The following WWOX variants were observed in gnomAD, a reference collection of about 807,000 sequenced individuals.
WWOX encodes WW domain-containing oxidoreductase.
A neutral mutation model predicts 46.2 loss-of-function variants in WWOX; 69 were observed. The ratio of observed to expected loss-of-function variants is 1.49; its 90% CI spans 1.23 to 1.82. The LOEUF (loss-of-function observed/expected upper bound fraction) is 1.82. Among genes scored for constraint, WWOX ranks in the 40% most tolerant of loss-of-function variants. WWOX has a pLI of 0.00. For missense variants in WWOX, 919 were observed against 542.6 expected (o/e 1.69, Z -6.89); for synonymous variants, 359 against 202.6 (o/e 1.77, Z -6.56).
At chr16:78,834,885 TTG>T (rs1015256294) in intron 8 of WWOX, among the ~76,000 whole-genome samples, 2 of 150,752 alleles carry the variant, frequency 1.3e-5, no homozygotes, top group Non-Finnish European at 2.9e-5. Flanking sequence ...TAATGACTGT[TTG>T]TAATAATCAT....
chr16:78,561,606 A>G lies in WWOX; in HGVS notation c.1056+128854A>G, dbSNP rs189824152. On this transcript the variant is annotated intron_variant, in intron 8 of 8. Transcript: ENST00000566780. ...CATTTTTTTTTGAATAACAGAAAAA[A>G]AAAAGAGACCTGATATTTGGAGAGA... 2.5e-3 allele frequency among the ~76,000 whole-genome samples: 379 copies of G among 152,332 alleles called. 5 individuals carry two copies. Among genetic ancestry groups the G allele is most frequent in the African/African-American group, 8.8e-3 (366 of 41,582 alleles).
intron 6 of WWOX, among the ~76,000 whole-genome samples, chr16:78,406,495 G>T (rs2082549878): frequency 6.6e-6 from 1 of 150,576 alleles, no homozygotes; most frequent in Non-Finnish European, 1.5e-5. Context: ...TGGGACTACA[G>T]GCATGTGCTA....
intron 8 of WWOX, among the ~76,000 whole-genome samples, chr16:79,129,876 G>C (rs1048091250): frequency 9.9e-5 from 15 of 152,192 alleles, no homozygotes; most frequent in Non-Finnish European, 1.5e-4. Flanking sequence ...CAGGGGTCAG[G>C]CTCCCTGGAG....
chr16:78,945,041 A>T (rs1356339109), intron 8 of WWOX, among the ~76,000 whole-genome samples: 1 of 152,118 alleles, frequency 6.6e-6, no homozygotes, highest in African/African-American at 2.4e-5. Flanking sequence ...TTAGCTGGGC[A>T]TGGTGGCGTA....
chr16:78,713,404 T>A (rs1002737598), intron 8 of WWOX, among the ~76,000 whole-genome samples: 1 of 152,074 alleles, frequency 6.6e-6, no homozygotes, highest in African/African-American at 2.4e-5. Context: ...TTGATGCTGT[T>A]ATTATTTGGT....
At chr16:78,758,197 T>A (rs1417422684) in intron 8 of WWOX, among the ~76,000 whole-genome samples, 1 of 152,174 alleles carries the variant, frequency 6.6e-6, no homozygotes, top group Non-Finnish European at 1.5e-5. Context: ...TTGCCACATA[T>A]AGATGAAGAT....
intron 8 of WWOX, among the ~76,000 whole-genome samples, chr16:78,983,688 C>G (rs949012132): frequency 2.6e-5 from 4 of 152,070 alleles, no homozygotes; most frequent in Admixed American, 1.3e-4. Flanking sequence ...GTCTTGATCC[C>G]TGAATGACTG....
At chr16:78,667,282 T>A (rs1188971033) in intron 8 of WWOX, among the ~76,000 whole-genome samples, 1 of 152,190 alleles carries the variant, frequency 6.6e-6, no homozygotes, top group Non-Finnish European at 1.5e-5. Flanking sequence ...AAGTCTCTTT[T>A]AACACCATTT....
intron 5 of WWOX, among the ~76,000 whole-genome samples, chr16:78,357,771 C>CTTGCTGGGTATGTGTAA (rs2081329674): frequency 6.6e-6 from 1 of 152,212 alleles, no homozygotes; most frequent in Non-Finnish European, 1.5e-5. Flanking sequence ...TTGCTGCACT[C>CTTGCTGGGTATGTGTAA]TTGCTGGGTA....
chr16:79,205,990 C>G (rs2051496439), intron 8 of WWOX: 1 of 152,148 alleles, frequency 6.6e-6, no homozygotes, highest in Admixed American at 6.5e-5. Context: ...AATCTGGCAC[C>G]TGGAGATGGC....
chr16:78,562,374 GT>G (rs1329527907), intron 8 of WWOX, among the ~76,000 whole-genome samples: 1 of 152,150 alleles, frequency 6.6e-6, no homozygotes, highest in African/African-American at 2.4e-5. Flanking sequence ...ACGATCTAGT[GT>G]TTTCGTTGCT....
intron 8 of WWOX, among the ~76,000 whole-genome samples, chr16:78,500,486 G>A (rs1017711709): frequency 6.6e-6 from 1 of 150,498 alleles, no homozygotes; most frequent in Non-Finnish European, 1.5e-5. Flanking sequence ...GCATGCTGCC[G>A]CGTTGGGTTA....
chr16:78,699,188 C>T (rs768138273), intron 8 of WWOX, among the ~76,000 whole-genome samples: 9 of 152,154 alleles, frequency 5.9e-5, no homozygotes, highest in Non-Finnish European at 1.0e-4. Flanking sequence ...TTTGGCCCAT[C>T]AGCCATAGTT....
At chr16:79,144,160 A>G (rs1027726944) in intron 8 of WWOX, among the ~76,000 whole-genome samples, 6 of 152,142 alleles carry the variant, frequency 3.9e-5, no homozygotes, top group Admixed American at 1.3e-4. Context: ...TCAGCCTCCC[A>G]AAGTGTGGAG....
chr16:78,494,794 T>TC (rs1260790759), intron 8 of WWOX, among the ~76,000 whole-genome samples: 2 of 152,208 alleles, frequency 1.3e-5, no homozygotes, highest in Non-Finnish European at 2.9e-5. Context: ...GTATGGCTTT[T>TC]CCTGTAATTA....
intron 5 of WWOX, among the ~76,000 whole-genome samples, chr16:78,207,381 C>T (rs1476407681): frequency 6.6e-6 from 1 of 151,996 alleles, no homozygotes; most frequent in Admixed American, 6.5e-5. Flanking sequence ...TTTCATATCC[C>T]TGATAGATAT....
intron 8 of WWOX, among the ~76,000 whole-genome samples, chr16:78,760,876 C>T (rs777833713): frequency 1.3e-5 from 2 of 152,162 alleles, no homozygotes. Context: ...GGAGGCCTCA[C>T]AATCATAATG....
chr16:78,678,383 A>G (rs919162333), intron 8 of WWOX, among the ~76,000 whole-genome samples: 1 of 152,158 alleles, frequency 6.6e-6, no homozygotes, highest in African/African-American at 2.4e-5. Context: ...GTCTAAAAAT[A>G]TTTATCTATA....
intron 8 of WWOX, among the ~76,000 whole-genome samples, chr16:79,111,301 T>A (rs1364147205): frequency 6.6e-6 from 1 of 152,256 alleles, no homozygotes; most frequent in Non-Finnish European, 1.5e-5. Flanking sequence ...TCTCATTGTT[T>A]CTCTGTCATG....
Sources: gnomAD v4.1 joint callset for allele counts (sites outside exome capture counted in the v4.1 genomes callset) on GRCh38, gnomAD v4.1.1 for gene constraint, MANE v1.5 for transcripts, NCBI Gene and HGNC (gene_info 2026-07-23, HGNC 2026-07-21) for gene names.